Variants in RBPMS observed in about 807,000 individuals in gnomAD.
RBPMS encodes RNA binding protein, mRNA processing factor, also known as RNA-binding protein with multiple splicing.
RBPMS carries 7 observed loss-of-function variants against 26.8 expected under a neutral mutation model. The ratio of observed to expected loss-of-function variants is 0.26; its 90% CI spans 0.15 to 0.49. The LOEUF is 0.49. Among genes scored for constraint, RBPMS ranks in the 20% least tolerant of loss-of-function variants. The probability of loss-of-function intolerance (pLI) is 0.98; values close to 1 mark genes in which losing one functional copy is unlikely to be tolerated. For synonymous variants in RBPMS, 96 were observed against 93.3 expected, an observed-to-expected ratio of 1.03 and a Z score of -0.17; for missense variants, 186 against 250.0, an observed-to-expected ratio of 0.74 and a Z score of 1.73.
At chr8:30,567,528 A>G (rs1459088961) in intron 8 of RBPMS, among the ~76,000 whole-genome samples, 1 of 152,106 alleles carries the variant, frequency 6.6e-6, no homozygotes, top group African/African-American at 2.4e-5. Flanking sequence ...ACTCACTCAA[A>G]CTTTTTTAAA....
At chr8:30,556,539 A>C in intron 6 of RBPMS, 1 of 986,258 alleles carries the variant, frequency 1.0e-6, no homozygotes, top group Non-Finnish European at 1.2e-6. Flanking sequence ...AAACACCGTC[A>C]CGTCTTGGCC....
At chr8:30,554,022 C>T (rs1223787749) in intron 6 of RBPMS, among the ~76,000 whole-genome samples, 1 of 152,136 alleles carries the variant, frequency 6.6e-6, no homozygotes. Context: ...ATGATCCACC[C>T]GCCTCAGCCT....
intron 1 of RBPMS, among the ~76,000 whole-genome samples, chr8:30,416,952 T>A (rs1810157487): frequency 6.6e-6 from 1 of 152,138 alleles, no homozygotes; most frequent in Non-Finnish European, 1.5e-5. Context: ...GTATTTTTAG[T>A]AGAGACGGGG....
At chr8:30,506,121 C>T (rs902252794) in intron 5 of RBPMS, among the ~76,000 whole-genome samples, 1 of 152,000 alleles carries the variant, frequency 6.6e-6, no homozygotes, top group Admixed American at 6.6e-5. Flanking sequence ...AGCCAGATTA[C>T]GACATGCTAT....
In RBPMS at chr8:30,384,923, A is replaced by G; in HGVS notation, c.-170A>G. 1 of 396,384 alleles carries G rather than the reference A, an allele frequency of 2.5e-6. No homozygotes were observed. The highest frequency in any genetic ancestry group is 4.3e-6 in the Non-Finnish European group (1 of 230,212). The allele number at this position is 396,384 out of a possible 1,614,324, so 24.6% of individuals were successfully genotyped here. A position where few individuals can be genotyped will look rare whatever the true frequency, so the allele number is the denominator to read the frequency against. Reference sequence around the variant, plus strand: ...GTCGCAGACTCGCCGCGGGAGCCCCAGCCCAACCCGAGCCCGACAGCCACT... The same window carrying G: ...GTCGCAGACTCGCCGCGGGAGCCCCGGCCCAACCCGAGCCCGACAGCCACT... On this transcript the variant is annotated 5_prime_UTR_variant, in exon 1 of 9. Transcript: ENST00000397323. This position sits in a 1 kb window ranked among gnomAD's most constrained non-coding sequence, Gnocchi z 5.6.
chr8:30,470,868 G>GA (rs1817016155), intron 1 of RBPMS, among the ~76,000 whole-genome samples: 1 of 152,028 alleles, frequency 6.6e-6, no homozygotes, highest in Admixed American at 6.6e-5. Context: ...CCCCATGTAT[G>GA]ACAATTTTCT....
At chr8:30,411,063 A>G (rs1809332591) in intron 1 of RBPMS, among the ~76,000 whole-genome samples, 1 of 152,130 alleles carries the variant, frequency 6.6e-6, no homozygotes, top group Admixed American at 6.6e-5. Context: ...ATAATTTTTA[A>G]TGAAGCCACT....
At chr8:30,530,851 C>T (rs1052716171) in intron 5 of RBPMS, among the ~76,000 whole-genome samples, 2 of 152,146 alleles carry the variant, frequency 1.3e-5, no homozygotes, top group African/African-American at 2.4e-5. Context: ...TCCTCCTCCT[C>T]CTCTTTTGAT....
At chr8:30,554,862 G>A (rs1826719862) in intron 6 of RBPMS, among the ~76,000 whole-genome samples, 1 of 152,170 alleles carries the variant, frequency 6.6e-6, no homozygotes, top group Non-Finnish European at 1.5e-5. Flanking sequence ...CTAAGGGCAA[G>A]TATGATAGTG....
At chr8:30,409,686 G>A (rs756781165) in intron 1 of RBPMS, among the ~76,000 whole-genome samples, 3 of 152,118 alleles carry the variant, frequency 2.0e-5, no homozygotes, top group African/African-American at 4.8e-5. Context: ...AGGCTGGAGT[G>A]CAGTGGCGCG....
chr8:30,391,128 T>C (rs933246548), intron 1 of RBPMS, among the ~76,000 whole-genome samples: 1 of 151,802 alleles, frequency 6.6e-6, no homozygotes, highest in Non-Finnish European at 1.5e-5. Flanking sequence ...CATCCCTTTG[T>C]CATTAGGAAC....
At position 30,449,144 on chromosome 8, in the gene RBPMS, C is replaced by A. The variant is rs140267825; in HGVS notation, c.67-25635C>A. On this transcript the variant is annotated intron_variant, in intron 1 of 8. Coordinates refer to ENST00000397323, the MANE Select transcript of RBPMS (RefSeq NM_001008710.3). ...AACAGTTCCCATTGTGGCACGTATT[C>A]CTTCAATGCTTTGTTGTGCCTGAAA... Among the ~76,000 whole-genome samples the A allele has an allele frequency of 3.7e-4, 56 of 152,260 alleles. 1 individual carries two copies. The highest frequency in any genetic ancestry group is 6.8e-3 in the Middle Eastern group (2 of 294).
In RBPMS at chr8:30,413,381, G is replaced by A. The variant is rs138697778; in HGVS notation, c.66+28223G>A. On this transcript the variant is annotated intron_variant, in intron 1 of 8. Coordinates refer to ENST00000397323, the MANE Select transcript of RBPMS (RefSeq NM_001008710.3). ...CCACCATGCCTGGCCAGCATTGTTC[G>A]AATTGATCCCTATTTCTCTCTCTGG... 6.8e-3 allele frequency among the ~76,000 whole-genome samples: 1,032 copies of A among 151,826 alleles called. 58 individuals carry two copies. Among genetic ancestry groups the A allele is most frequent in the Admixed American group, 0.061 (933 of 15,248 alleles).
intron 5 of RBPMS, among the ~76,000 whole-genome samples, chr8:30,530,753 C>T (rs1224990592): frequency 2.0e-5 from 3 of 152,198 alleles, no homozygotes; most frequent in South Asian, 4.1e-4. Flanking sequence ...TGAGCCACCA[C>T]GCCTGGCCAT....
At chr8:30,496,709 T>G (rs938264675) in intron 4 of RBPMS, among the ~76,000 whole-genome samples, 2 of 152,238 alleles carry the variant, frequency 1.3e-5, no homozygotes, top group African/African-American at 4.8e-5. Flanking sequence ...TGTCACAAGT[T>G]TTCACTTGTA....
At chr8:30,499,545 G>A (rs1480418595) in intron 4 of RBPMS, among the ~76,000 whole-genome samples, 1 of 151,932 alleles carries the variant, frequency 6.6e-6, no homozygotes, top group Admixed American at 6.6e-5. Context: ...ATTATGCACT[G>A]TGCAGGACAT....
chr8:30,540,758 T>C lies in RBPMS; in HGVS notation c.398-3736T>C, dbSNP rs973824517. ...TGTGTATTTTTAAAGTTGTCTTGACTTGAGTGTGGAAGCCGGGAGGGCTTT... is the reference window on the plus strand; with the variant it reads ...TGTGTATTTTTAAAGTTGTCTTGACCTGAGTGTGGAAGCCGGGAGGGCTTT... On this transcript the variant is annotated intron_variant, in intron 5 of 8. Coordinates refer to ENST00000397323, the MANE Select transcript of RBPMS (RefSeq NM_001008710.3). Among the ~76,000 whole-genome samples, 8 of 152,184 alleles carry C rather than the reference T, an allele frequency of 5.3e-5. 1 individual carries two copies. The East Asian group carries it at 9.6e-4, about 18-fold the overall frequency.
At chr8:30,525,616 C>T (rs1823495947) in intron 5 of RBPMS, among the ~76,000 whole-genome samples, 1 of 152,090 alleles carries the variant, frequency 6.6e-6, no homozygotes, top group Non-Finnish European at 1.5e-5. Flanking sequence ...CATTTTTTTG[C>T]AGTTTCTGCA....
intron 1 of RBPMS, among the ~76,000 whole-genome samples, chr8:30,415,367 C>T (rs533771854): frequency 2.0e-5 from 3 of 152,318 alleles, no homozygotes; most frequent in African/African-American, 7.2e-5. Context: ...GTCTGCTTTT[C>T]AGTCCTTGCT....
Sources: gnomAD v4.1 joint callset for allele counts (sites outside exome capture counted in the v4.1 genomes callset) on GRCh38, gnomAD v4.1.1 for gene constraint, Gnocchi (gnomAD v3.1) non-coding constraint, MANE v1.5 for transcripts, NCBI Gene and HGNC (gene_info 2026-07-23, HGNC 2026-07-21) for gene names.